The following INVS variants were observed in gnomAD, a reference collection of about 807,000 sequenced individuals.
INVS encodes inversin.
INVS carries 86 observed loss-of-function variants against 108.8 expected under a neutral mutation model. The ratio of observed to expected loss-of-function variants is 0.79; its 90% CI spans 0.66 to 0.95. The LOEUF is 0.95. INVS is among the 40% of genes least tolerant of loss of function. INVS has a pLI of 0.00. For missense variants in INVS, 1,169 were observed against 1,297.4 expected (o/e 0.90, Z 1.52); for synonymous variants, 455 against 473.5 (o/e 0.96, Z 0.51).
chr9:100,250,785 G>C (rs1322783332), intron 8 of INVS, among the ~76,000 whole-genome samples: 1 of 152,188 alleles, frequency 6.6e-6, no homozygotes, highest in Non-Finnish European at 1.5e-5. Context: ...AAGAGCTAGA[G>C]TGATCTGTTT....
chr9:100,275,071 A>G (rs1213887469), intron 12 of INVS, among the ~76,000 whole-genome samples: 1 of 152,190 alleles, frequency 6.6e-6, no homozygotes, highest in African/African-American at 2.4e-5. Context: ...ACTGAAGTAG[A>G]TGGCATCCGA....
At chr9:100,175,928 G>A (rs1829699038) in intron 3 of INVS, 2 of 581,982 alleles carry the variant, frequency 3.4e-6, no homozygotes, top group Admixed American at 1.9e-5. Flanking sequence ...CAGTGACTTG[G>A]AGGCTGCCTT....
intron 11 of INVS, among the ~76,000 whole-genome samples, chr9:100,270,519 C>T (rs1467254421): frequency 6.6e-6 from 1 of 151,216 alleles, no homozygotes; most frequent in East Asian, 1.9e-4. Context: ...CCGAGGTGGT[C>T]GGATCACCTG....
chr9:100,159,606 A>G (rs1412566518), intron 3 of INVS, among the ~76,000 whole-genome samples: 1 of 152,200 alleles, frequency 6.6e-6, no homozygotes, highest in Non-Finnish European at 1.5e-5. Flanking sequence ...AATACAGACT[A>G]AACTATAATA....
intron 10 of INVS, 49 bp from the exon 11 acceptor site, chr9:100,264,773 T>C (rs746959229): frequency 2.4e-6 from 3 of 1,249,266 alleles, no homozygotes; most frequent in Non-Finnish European, 3.5e-6. Flanking sequence ...TAACCACATA[T>C]CCAAAAATAC....
At chr9:100,252,459 C>T in intron 9 of INVS, 21 bp downstream of exon 9, 1 of 1,606,624 alleles carries the variant, frequency 6.2e-7, no homozygotes, top group Non-Finnish European at 8.5e-7. Context: ...AAGAGTACTC[C>T]TAATAAGTCT....
chr9:100,227,188 G>A (rs567887814), intron 4 of INVS, among the ~76,000 whole-genome samples: 17 of 152,364 alleles, frequency 1.1e-4, no homozygotes, highest in Non-Finnish European at 1.9e-4. Context: ...TATTGAAGAT[G>A]TGGTTATAGG....
At chr9:100,251,934 T>C (rs1272255873) in intron 8 of INVS, among the ~76,000 whole-genome samples, 2 of 152,262 alleles carry the variant, frequency 1.3e-5, no homozygotes, top group African/African-American at 4.8e-5. Flanking sequence ...TTTAAATCAT[T>C]CCTCTTTGTT....
At chr9:100,294,443 A>G (rs966217210) in intron 14 of INVS, among the ~76,000 whole-genome samples, 6 of 152,242 alleles carry the variant, frequency 3.9e-5, no homozygotes, top group Non-Finnish European at 5.9e-5. Context: ...AGGCTTTGCA[A>G]TGTGTTCTCC....
chr9:100,190,883 C>T (rs1376186275), intron 3 of INVS, among the ~76,000 whole-genome samples: 1 of 151,356 alleles, frequency 6.6e-6, no homozygotes, highest in South Asian at 2.1e-4. Context: ...TCTTCTGAGA[C>T]AGAGTCTCAC....
chr9:100,205,769 C>T (rs1396119243), intron 3 of INVS, among the ~76,000 whole-genome samples: 1 of 151,932 alleles, frequency 6.6e-6, no homozygotes, highest in Non-Finnish European at 1.5e-5. Context: ...ATCCATTTTA[C>T]AATTTGTAAA....
intron 12 of INVS, among the ~76,000 whole-genome samples, chr9:100,277,291 G>T (rs1833141914): frequency 6.6e-6 from 1 of 152,114 alleles, no homozygotes; most frequent in Admixed American, 6.5e-5. Context: ...CATTGCTACT[G>T]CTCATCTCCT....
At chr9:100,259,264 T>C (rs1045776497) in intron 10 of INVS, among the ~76,000 whole-genome samples, 1 of 152,114 alleles carries the variant, frequency 6.6e-6, no homozygotes, top group African/African-American at 2.4e-5. Context: ...GCTAAAACCA[T>C]TGGAAAAAGC....
chr9:100,246,852 A>T, intron 8 of INVS, 65 bp downstream of exon 8: 3 of 1,353,158 alleles, frequency 2.2e-6, no homozygotes, highest in Non-Finnish European at 3.2e-6. Context: ...TGTTGCTATA[A>T]AATTTGTAAA....
intron 2 of INVS, among the ~76,000 whole-genome samples, chr9:100,106,067 A>G (rs1270891583): frequency 6.6e-6 from 1 of 151,766 alleles, no homozygotes; most frequent in Non-Finnish European, 1.5e-5. Flanking sequence ...CTCTCACTCT[A>G]CTGAATCCTG....
At chr9:100,215,508 A>G (rs1207722040) in intron 3 of INVS, 1 of 152,276 alleles carries the variant, frequency 6.6e-6, no homozygotes, top group Non-Finnish European at 1.5e-5. Flanking sequence ...GTGGAGCCAG[A>G]AACATTTTTG....
intron 12 of INVS, among the ~76,000 whole-genome samples, chr9:100,283,152 A>G (rs1182228603): frequency 6.6e-6 from 1 of 151,994 alleles, no homozygotes; most frequent in Non-Finnish European, 1.5e-5. Flanking sequence ...CCCCATCTCT[A>G]CAAAAAATTT....
intron 5 of INVS, among the ~76,000 whole-genome samples, chr9:100,232,554 T>G (rs1472978635): frequency 6.6e-6 from 1 of 152,228 alleles, no homozygotes; most frequent in African/African-American, 2.4e-5. Flanking sequence ...AGGGGTCCAG[T>G]TTCAGCTTTC....
At position 100,202,853 on chromosome 9, in the gene INVS, G is replaced by T. The variant is rs1335476694; in HGVS notation, c.274-23209G>T. Among the ~76,000 whole-genome samples the T allele has an allele frequency of 2.6e-5, 4 of 152,318 alleles. No homozygotes were observed. In the East Asian group the frequency reaches 7.7e-4, roughly 29 times the overall value. ...TGTGGGCTATCAGAAATCCTCCCCAGATGTGCATGACTGCACTTGGAAGCT... is the reference window on the plus strand; with the variant it reads ...TGTGGGCTATCAGAAATCCTCCCCATATGTGCATGACTGCACTTGGAAGCT... On this transcript the variant is annotated intron_variant, in intron 3 of 16. Transcript: ENST00000262457.
Sources: gnomAD v4.1 joint callset for allele counts (sites outside exome capture counted in the v4.1 genomes callset) on GRCh38, gnomAD v4.1.1 for gene constraint, MANE v1.5 for transcripts, NCBI Gene and HGNC (gene_info 2026-07-23, HGNC 2026-07-21) for gene names.